The following FOXK2 variants were observed in gnomAD, a reference collection of about 807,000 sequenced individuals.
FOXK2 encodes forkhead box K2, also known as forkhead box protein K2.
In FOXK2, 24 loss-of-function variants were observed where a neutral mutation model predicts 53.3. That is an observed-to-expected ratio of 0.45 (90% CI 0.33 to 0.63). FOXK2 has a LOEUF of 0.63. Among genes scored for constraint, FOXK2 ranks in the 30% least tolerant of loss-of-function variants. FOXK2 has a pLI of 0.03. For missense variants in FOXK2, 952 were observed against 910.5 expected, an observed-to-expected ratio of 1.05 and a Z score of -0.59; for synonymous variants, 505 against 407.1, an observed-to-expected ratio of 1.24 and a Z score of -2.89.
intron 1 of FOXK2, among the ~76,000 whole-genome samples, chr17:82,556,740 A>G (rs140133384): frequency 6.5e-4 from 99 of 151,890 alleles, no homozygotes; most frequent in African/African-American, 2.0e-3. Context: ...TTTGTCACCC[A>G]GGCTAGAGTG....
chr17:82,555,611 G>A (rs1034359098), intron 1 of FOXK2, among the ~76,000 whole-genome samples: 3 of 151,700 alleles, frequency 2.0e-5, no homozygotes, highest in East Asian at 3.9e-4. Context: ...GTCACCGGGC[G>A]CGGTGGCTCA....
At chr17:82,598,295 A>T (rs746373621) in intron 8 of FOXK2, among the ~76,000 whole-genome samples, 1 of 151,970 alleles carries the variant, frequency 6.6e-6, no homozygotes, top group Non-Finnish European at 1.5e-5. Flanking sequence ...GGGTCTTGCT[A>T]TGTTGTCCAG....
At chr17:82,527,164 A>C (rs988014689) in intron 1 of FOXK2, among the ~76,000 whole-genome samples, 1 of 152,126 alleles carries the variant, frequency 6.6e-6, no homozygotes, top group South Asian at 2.1e-4. Flanking sequence ...GGCGCTTTGC[A>C]CTTTGAAAAG....
chr17:82,554,052 T>C (rs917004195), intron 1 of FOXK2, among the ~76,000 whole-genome samples: 2 of 152,134 alleles, frequency 1.3e-5, no homozygotes, highest in African/African-American at 4.8e-5. Flanking sequence ...CAGGATGGTC[T>C]CGAACTCCTG....
chr17:82,539,703 G>A (rs1297916057), intron 1 of FOXK2, among the ~76,000 whole-genome samples: 1 of 151,830 alleles, frequency 6.6e-6, no homozygotes, highest in South Asian at 2.1e-4. Context: ...GGTGGCTCAC[G>A]CCTGTAATCT....
At chr17:82,552,455 G>T (rs375335891) in intron 1 of FOXK2, among the ~76,000 whole-genome samples, 3 of 152,132 alleles carry the variant, frequency 2.0e-5, no homozygotes, top group African/African-American at 7.2e-5. Flanking sequence ...TTCACCCACC[G>T]TCGCTCCTGC....
chr17:82,586,121 A>G lies in FOXK2; in HGVS notation c.1497A>G (p.Gln499=). Residue 499 remains glutamine (Q), a synonymous_variant, in exon 7 of 9, where the codon CAA becomes CAG. Transcript: ENST00000335255. ...APANTYTVSG[Q]AVVTPAAVLA... The stretch of plus-strand genomic sequence containing the variant: ...CGAACACGTACACTGTCTCTGGACA[A>G]GCTGTGGTCACCCCGGCAGCCGTGC... 1 of 1,612,652 alleles carries G rather than the reference A, an allele frequency of 6.2e-7. No homozygotes were observed.
chr17:82,522,214 C>T (rs989441985), intron 1 of FOXK2, among the ~76,000 whole-genome samples: 3 of 151,856 alleles, frequency 2.0e-5, no homozygotes, highest in Non-Finnish European at 4.4e-5. Flanking sequence ...CCTCAAACTT[C>T]TGGGCACAAG....
chr17:82,597,340 T>C (rs533953187), intron 8 of FOXK2, among the ~76,000 whole-genome samples: 1 of 152,312 alleles, frequency 6.6e-6, no homozygotes, highest in South Asian at 2.1e-4. Context: ...CTCGTGTGTG[T>C]GTTCCTTCTC....
chr17:82,545,469 C>T (rs116940143), intron 1 of FOXK2, among the ~76,000 whole-genome samples: 1,983 of 152,042 alleles, frequency 0.013, 21 homozygotes, highest in Middle Eastern at 0.024. Context: ...GGATATACAA[C>T]GATTCAATAT....
chr17:82,568,300 C>A (rs1410164393), intron 3 of FOXK2, 99 bp downstream of exon 3: 3 of 1,414,064 alleles, frequency 2.1e-6, no homozygotes, highest in Non-Finnish European at 2.9e-6. Flanking sequence ...TGTCCAGTGA[C>A]AGCCCTGCCA....
At chr17:82,580,499 C>T (rs2045047650) in intron 4 of FOXK2, among the ~76,000 whole-genome samples, 2 of 34,894 alleles carry the variant, frequency 5.7e-5, no homozygotes, top group Admixed American at 2.4e-4. Context: ...CATGGCCCAG[C>T]CCTCCTCTCC....
In FOXK2 at chr17:82,542,530, G is replaced by GACC. The variant is rs1424914199; in HGVS notation, c.420-20824_420-20823insACC. Among the ~76,000 whole-genome samples, 75 of 152,156 alleles carry GACC rather than the reference G, an allele frequency of 4.9e-4. 1 individual carries two copies. The highest frequency in any genetic ancestry group is 1.8e-3 in the African/African-American group (74 of 41,506). On this transcript the variant is annotated intron_variant, in intron 1 of 8. Coordinates refer to ENST00000335255, the MANE Select transcript of FOXK2 (RefSeq NM_004514.4). ...TCACTGTCCTGCTCAGGTTGGTGTA[G>GACC]TTAGTACTCCTGGGCTCAAGCAATC...
At chr17:82,558,516 C>CT (rs1333238879) in intron 1 of FOXK2, among the ~76,000 whole-genome samples, 1 of 152,216 alleles carries the variant, frequency 6.6e-6, no homozygotes, top group Non-Finnish European at 1.5e-5. Flanking sequence ...AGACGAAACA[C>CT]TAAGAGGACA....
intron 3 of FOXK2, among the ~76,000 whole-genome samples, chr17:82,569,334 T>C (rs2044887863): frequency 6.6e-6 from 1 of 152,226 alleles, no homozygotes; most frequent in East Asian, 1.9e-4. Context: ...CGTGTGGTGC[T>C]GTTTCTGTCA....
At chr17:82,590,116 C>T (rs1217789727) in intron 8 of FOXK2, among the ~76,000 whole-genome samples, 2 of 151,880 alleles carry the variant, frequency 1.3e-5, no homozygotes, top group Non-Finnish European at 2.9e-5. Context: ...CCATAGTTTT[C>T]ATCCCCAAAG....
intron 6 of FOXK2, among the ~76,000 whole-genome samples, chr17:82,584,859 T>A (rs552825677): frequency 5.9e-5 from 9 of 152,274 alleles, no homozygotes; most frequent in Admixed American, 5.9e-4. Flanking sequence ...GCCTAACATG[T>A]CCATTTTAAG....
intron 1 of FOXK2, among the ~76,000 whole-genome samples, chr17:82,551,132 A>G (rs1053110515): frequency 6.6e-6 from 1 of 151,036 alleles, no homozygotes; most frequent in Admixed American, 6.6e-5. Flanking sequence ...CCTGGCTAAC[A>G]CGGTGAAACC....
At chr17:82,581,794 G>A (rs1598226265) in intron 4 of FOXK2, among the ~76,000 whole-genome samples, 2 of 152,126 alleles carry the variant, frequency 1.3e-5, no homozygotes, top group East Asian at 1.9e-4. Flanking sequence ...ATGTTCAGTA[G>A]AGACGGGGTT....
Sources: gnomAD v4.1 joint callset for allele counts (sites outside exome capture counted in the v4.1 genomes callset) on GRCh38, gnomAD v4.1.1 for gene constraint, MANE v1.5 for transcripts, NCBI Gene and HGNC (gene_info 2026-07-23, HGNC 2026-07-21) for gene names.